Variants in THSD7A observed in about 807,000 individuals in gnomAD.
THSD7A encodes thrombospondin type-1 domain-containing protein 7A.
A neutral mutation model predicts 231.3 loss-of-function variants in THSD7A; 96 were observed. The ratio of observed to expected loss-of-function variants is 0.41; its 90% confidence interval spans 0.35 to 0.49. The LOEUF (loss-of-function observed/expected upper bound fraction) is 0.49, where lower values mean the gene tolerates loss of function less well. Among genes scored for constraint, THSD7A ranks in the 20% least tolerant of loss-of-function variants. The probability of loss-of-function intolerance (pLI) is 0.05; values close to 1 mark genes in which losing one functional copy is unlikely to be tolerated. For missense variants in THSD7A, 2,290 were observed against 2,070.2 expected (o/e 1.11, Z -2.06); for synonymous variants, 940 against 743.3 (o/e 1.26, Z -4.30).
chr7:11,467,626 T>C (rs978017788), intron 9 of THSD7A, among the ~76,000 whole-genome samples: 3 of 152,170 alleles, frequency 2.0e-5, no homozygotes, highest in African/African-American at 7.2e-5. Context: ...CACAGTGTTT[T>C]AGATTTTTTA....
chr7:11,541,428 T>G lies in THSD7A; in HGVS notation c.1813A>C (p.Asn605His). The part of the protein sequence containing the change: ...GTQVQEVVCI[N>H]SDGEEVDRQL... ...GATACGTCTGTCTTACCATCACTGTTGATGCACACAACCTCTTGAACTTGC... is the reference window on the plus strand; with the variant it reads ...GATACGTCTGTCTTACCATCACTGTGGATGCACACAACCTCTTGAACTTGC... The change falls in exon 6 of 28, where the codon AAC (asparagine) becomes CAC (histidine). Residue 605 changes from asparagine to histidine, a missense_variant. By Grantham distance (68) the Asn-to-His change is moderately conservative. Coordinates refer to ENST00000423059, the MANE Select transcript of THSD7A (RefSeq NM_015204.3). The G allele has an allele frequency of 5.0e-6, 8 of 1,613,966 alleles. No individual in the cohort carries two copies. The highest frequency in any genetic ancestry group is 5.1e-6 in the Non-Finnish European group (6 of 1,179,882).
chr7:11,762,840 T>C (rs78767013), intron 1 of THSD7A, among the ~76,000 whole-genome samples: 2,380 of 152,224 alleles, frequency 0.016, 25 homozygotes, highest in Non-Finnish European at 0.025. Flanking sequence ...TCCATTCTCA[T>C]GAATTAGACA....
At position 11,831,745 on chromosome 7, in the gene THSD7A, C is replaced by T. The variant is rs1320644552; in HGVS notation, c.190+12G>A. 1.4e-6 allele frequency: 2 copies of T among 1,443,900 alleles called. No homozygotes were observed. The highest frequency in any genetic ancestry group is 1.8e-6 in the Non-Finnish European group (2 of 1,093,664). 89.4% of individuals were successfully genotyped at this position (1,443,900 alleles called of 1,614,324 possible). A position where few individuals can be genotyped will look rare whatever the true frequency, so the allele number is the denominator to read the frequency against. On this transcript the variant is annotated intron_variant, in intron 1 of 27. Transcript: ENST00000423059. This position sits in a 1 kb window ranked among gnomAD's most constrained non-coding sequence, Gnocchi z 5.0. ...TGTGAAGATGGGGAAAGGGTAACTC[C>T]GTCCCACTTACCAGTCTTCCACAGA...
intron 1 of THSD7A, among the ~76,000 whole-genome samples, chr7:11,708,353 A>G (rs1257263151): frequency 6.6e-6 from 1 of 150,800 alleles, no homozygotes; most frequent in Non-Finnish European, 1.5e-5. Flanking sequence ...GGTTTGAGAA[A>G]GTTTCCATAT....
chr7:11,511,317 A>G (rs988297716), intron 6 of THSD7A, among the ~76,000 whole-genome samples: 22 of 152,234 alleles, frequency 1.4e-4, no homozygotes, highest in Admixed American at 9.8e-4. Context: ...TTCCATGCTC[A>G]TGGATAGGAA....
rs527686137 is a variant in THSD7A, at chr7:11,524,602, A to T, written c.1822+16817T>A. Among the ~76,000 whole-genome samples the T allele has an allele frequency of 3.1e-3, 478 of 152,268 alleles. 2 individuals carry two copies. The highest frequency in any genetic ancestry group is 0.011 in the African/African-American group (449 of 41,564). On this transcript the variant is annotated intron_variant, in intron 6 of 27. Coordinates refer to ENST00000423059, the MANE Select transcript of THSD7A (RefSeq NM_015204.3). ...AGCTGTGAAAATGTTTACAGTCTTT[A>T]TATGTGGCTAGCCAGCCGGAAACAG...
chr7:11,442,352 T>C (rs1331245075), intron 13 of THSD7A, among the ~76,000 whole-genome samples: 2 of 152,138 alleles, frequency 1.3e-5, no homozygotes, highest in Non-Finnish European at 2.9e-5. Context: ...CTGGTAAAAG[T>C]CAAACTGGTT....
chr7:11,821,076 C>T (rs1443040402), intron 1 of THSD7A: 17 of 985,262 alleles, frequency 1.7e-5, no homozygotes, highest in South Asian at 2.7e-5. Flanking sequence ...GAAAGTACTG[C>T]GGGAAATGTC....
intron 1 of THSD7A, among the ~76,000 whole-genome samples, chr7:11,805,865 C>A (rs927147831): frequency 2.0e-5 from 3 of 151,992 alleles, no homozygotes; most frequent in Non-Finnish European, 4.4e-5. Context: ...ATATATGTCT[C>A]AATATTTCAC....
In THSD7A at chr7:11,636,777, T is replaced by C. The variant is rs768072268; in HGVS notation, c.375A>G (p.Arg125=). The C allele has an allele frequency of 1.9e-6, 3 of 1,613,862 alleles. No individual in the cohort carries two copies. Among genetic ancestry groups the C allele is most frequent in the South Asian group, 1.1e-5 (1 of 91,090 alleles). The change falls in exon 2 of 28, where the codon AGA becomes AGG. Residue 125 remains arginine (R), a synonymous_variant. Transcript: ENST00000423059. This position sits in a 1 kb window ranked among gnomAD's most constrained non-coding sequence, Gnocchi z 10.0. The part of the protein sequence containing the change: ...CDWHKELYDW[R]LGPWNQCQPV... Reference sequence around the variant, plus strand: ...GCTGACACTGATTCCAAGGTCCCAGTCTCCAGTCGTACAACTCTTTGTGCC... The same window carrying C: ...GCTGACACTGATTCCAAGGTCCCAGCCTCCAGTCGTACAACTCTTTGTGCC...
intron 6 of THSD7A, among the ~76,000 whole-genome samples, chr7:11,529,573 G>A (rs1254511456): frequency 1.4e-5 from 2 of 147,492 alleles, no homozygotes; most frequent in African/African-American, 5.1e-5. Flanking sequence ...AGAGCTGATG[G>A]TTTTAAAAGT....
intron 6 of THSD7A, among the ~76,000 whole-genome samples, chr7:11,513,357 T>TTC: frequency 6.7e-6 from 1 of 148,696 alleles, no homozygotes; most frequent in African/African-American, 2.5e-5. Flanking sequence ...TTTTCAAGAA[T>TTC]AAAAAAAACC....
chr7:11,437,314 C>T (rs1018728454), intron 13 of THSD7A, among the ~76,000 whole-genome samples: 2 of 152,092 alleles, frequency 1.3e-5, no homozygotes, highest in Non-Finnish European at 2.9e-5. Flanking sequence ...TGTGCTCCCT[C>T]AGGGAGCCTG....
chr7:11,641,264 T>C (rs180884987), intron 1 of THSD7A, among the ~76,000 whole-genome samples: 2 of 152,272 alleles, frequency 1.3e-5, no homozygotes, highest in Admixed American at 1.3e-4. Context: ...ACCTGTTACA[T>C]TCCATGGTTT....
chr7:11,550,920 AG>A (rs1163611832), intron 4 of THSD7A, among the ~76,000 whole-genome samples: 1 of 152,106 alleles, frequency 6.6e-6, no homozygotes, highest in Non-Finnish European at 1.5e-5. Flanking sequence ...ACAAAGCCAG[AG>A]GCATCACACT....
chr7:11,725,358 C>T (rs949469754), intron 1 of THSD7A, among the ~76,000 whole-genome samples: 26 of 152,020 alleles, frequency 1.7e-4, no homozygotes, highest in Non-Finnish European at 2.7e-4. Context: ...ATCACAGTTC[C>T]TATGGTGAAG....
chr7:11,526,386 A>G (rs145406513), intron 6 of THSD7A, among the ~76,000 whole-genome samples: 1,862 of 152,280 alleles, frequency 0.012, 22 homozygotes, highest in Non-Finnish European at 0.02. Flanking sequence ...CAGTGATCCT[A>G]TGAGGCAGAG....
At chr7:11,550,817 A>G (rs868683573) in intron 4 of THSD7A, among the ~76,000 whole-genome samples, 3 of 152,148 alleles carry the variant, frequency 2.0e-5, no homozygotes, top group Non-Finnish European at 4.4e-5. Context: ...CAAACCACCA[A>G]TGACATTTTT....
At chr7:11,543,689 A>G (rs1789249162) in intron 4 of THSD7A, among the ~76,000 whole-genome samples, 1 of 152,226 alleles carries the variant, frequency 6.6e-6, no homozygotes, top group African/African-American at 2.4e-5. Flanking sequence ...ATGTCTAAAT[A>G]ATAACACATT....
Sources: allele counts gnomAD v4.1 joint callset (sites outside exome capture counted in the v4.1 genomes callset), GRCh38; gene constraint gnomAD v4.1.1; non-coding constraint Gnocchi (gnomAD v3.1); transcripts MANE v1.5; gene names NCBI Gene and HGNC (gene_info 2026-07-23, HGNC 2026-07-21).